Variants in CAB39 observed in about 807,000 individuals in gnomAD.
CAB39 encodes calcium-binding protein 39.
Under a neutral mutation model 40.0 loss-of-function variants are expected in CAB39, and 8 were observed. The observed-to-expected ratio is 0.20, with a 90% CI of 0.12 to 0.36. The LOEUF is 0.36. Among genes scored for constraint, CAB39 ranks in the 10% least tolerant of loss-of-function variants. The pLI, the probability that CAB39 is intolerant of heterozygous loss-of-function variation, is 1.00. For missense variants in CAB39, 270 were observed against 401.1 expected (o/e 0.67, Z 2.79); for synonymous variants, 156 against 141.6 (o/e 1.10, Z -0.72).
rs147639341 is a variant in CAB39, at chr2:230,731,592, G to A, written c.-44+18362G>A. ...ATCATAGCTCACTGTAGCCTCAAAC[G>A]TCAGGGCTCAAGTAATCGTCCCTCC... On this transcript the variant is annotated intron_variant, in intron 1 of 8. Transcript: ENST00000258418. 3.8e-4 allele frequency among the ~76,000 whole-genome samples: 58 copies of A among 152,248 alleles called. No individual in the cohort carries two copies. In the South Asian group the frequency reaches 3.9e-3, roughly 10 times the overall value.
chr2:230,725,385 G>A, intron 1 of CAB39: 1 of 1,600,140 alleles, frequency 6.2e-7, no homozygotes, highest in East Asian at 2.2e-5. Context: ...AAGTCTCGGT[G>A]CTTTTGGGAG....
chr2:230,782,753 C>A (rs574114781), intron 2 of CAB39, among the ~76,000 whole-genome samples: 2 of 151,580 alleles, frequency 1.3e-5, no homozygotes, highest in South Asian at 4.2e-4. Flanking sequence ...ATTTCCAACA[C>A]CGCAAGTATT....
At chr2:230,786,098 A>G (rs1695786843) in intron 2 of CAB39, among the ~76,000 whole-genome samples, 1 of 146,168 alleles carries the variant, frequency 6.8e-6, no homozygotes, top group Non-Finnish European at 1.5e-5. Flanking sequence ...CGGGAGGTGG[A>G]ACTTGCAGTG....
At chr2:230,808,689 T>A (rs535841267) in intron 5 of CAB39, among the ~76,000 whole-genome samples, 1 of 152,296 alleles carries the variant, frequency 6.6e-6, no homozygotes, top group African/African-American at 2.4e-5. Context: ...TTGGGAAAAA[T>A]TGGGTAGGTC....
chr2:230,798,047 A>G (rs1283274609), intron 4 of CAB39, among the ~76,000 whole-genome samples: 1 of 152,046 alleles, frequency 6.6e-6, no homozygotes, highest in Non-Finnish European at 1.5e-5. Context: ...CTTGGCTGAG[A>G]GGTGTCTCTC....
At position 230,814,087 on chromosome 2, in the gene CAB39, T is replaced by C. The variant is rs1575965780; in HGVS notation, c.666T>C (p.Asn222=). 1.4e-6 allele frequency: 2 copies of C among 1,460,542 alleles called. No individual in the cohort carries two copies. Among genetic ancestry groups the C allele is most frequent in the Middle Eastern group, 1.8e-4 (1 of 5,614 alleles). The allele number at this position is 1,460,542 out of a possible 1,614,324, so 90.5% of individuals were successfully genotyped here. The part of the protein sequence containing the change: ...SEYEKLLHSE[N]YVTKRQSLKL... ...ATGAGAAGTTACTTCATTCAGAAAATTATGTGACAAAAAGACAGTCACTGA... is the reference window on the plus strand; with the variant it reads ...ATGAGAAGTTACTTCATTCAGAAAACTATGTGACAAAAAGACAGTCACTGA... Residue 222 remains asparagine, a synonymous_variant, in exon 7 of 9, where the codon AAT becomes AAC. Coordinates refer to ENST00000258418, the MANE Select transcript of CAB39 (RefSeq NM_016289.4).
At chr2:230,794,705 T>C (rs1695950336) in intron 4 of CAB39, among the ~76,000 whole-genome samples, 1 of 152,156 alleles carries the variant, frequency 6.6e-6, no homozygotes, top group African/African-American at 2.4e-5. Context: ...CCTCCTTTGT[T>C]GTGAAAAATA....
At chr2:230,735,126 G>T (rs910357950) in intron 1 of CAB39, among the ~76,000 whole-genome samples, 1 of 152,072 alleles carries the variant, frequency 6.6e-6, no homozygotes, top group Admixed American at 6.5e-5. Flanking sequence ...GGAGTAGAAT[G>T]TGGAATCGCA....
At chr2:230,783,074 C>T (rs1175652961) in intron 2 of CAB39, among the ~76,000 whole-genome samples, 28 of 151,970 alleles carry the variant, frequency 1.8e-4, no homozygotes, top group Non-Finnish European at 3.5e-4. Flanking sequence ...GTGATTCGCC[C>T]GCCTCGGCCT....
At chr2:230,730,886 A>T (rs567296415) in intron 1 of CAB39, among the ~76,000 whole-genome samples, 3 of 152,276 alleles carry the variant, frequency 2.0e-5, no homozygotes, top group African/African-American at 7.2e-5. Flanking sequence ...ACCTCAGTAT[A>T]GTAAAAGCTT....
At chr2:230,790,270 C>T (rs1266159106) in intron 2 of CAB39, among the ~76,000 whole-genome samples, 1 of 151,972 alleles carries the variant, frequency 6.6e-6, no homozygotes. Context: ...TTTTATGTAT[C>T]TTATCCTACT....
chr2:230,796,427 T>A (rs951096874), intron 4 of CAB39, among the ~76,000 whole-genome samples: 3 of 152,196 alleles, frequency 2.0e-5, no homozygotes, highest in African/African-American at 7.2e-5. Flanking sequence ...ACTGTTTGCC[T>A]TGTATTTACT....
At chr2:230,771,891 C>T (rs1032728549) in intron 2 of CAB39, among the ~76,000 whole-genome samples, 5 of 152,058 alleles carry the variant, frequency 3.3e-5, no homozygotes, top group African/African-American at 9.7e-5. Flanking sequence ...ATTTAGTAGG[C>T]AGAAAGATAG....
At chr2:230,780,539 C>T (rs1160946657) in intron 2 of CAB39, among the ~76,000 whole-genome samples, 1 of 152,148 alleles carries the variant, frequency 6.6e-6, no homozygotes, top group East Asian at 1.9e-4. Flanking sequence ...TTTTATGACC[C>T]TTGGTACTTC....
At chr2:230,721,384 T>C (rs1451434992) in intron 1 of CAB39, among the ~76,000 whole-genome samples, 1 of 152,180 alleles carries the variant, frequency 6.6e-6, no homozygotes, top group Non-Finnish European at 1.5e-5. Context: ...TGAGCCAAGA[T>C]AGTGCCACTG....
At chr2:230,715,751 G>A (rs903904263) in intron 1 of CAB39, among the ~76,000 whole-genome samples, 6 of 152,186 alleles carry the variant, frequency 3.9e-5, no homozygotes, top group East Asian at 1.9e-4. Context: ...CGCTCAGGCC[G>A]GAGTGCAGTG....
chr2:230,746,396 C>T (rs1006199611), intron 1 of CAB39, among the ~76,000 whole-genome samples: 13 of 152,186 alleles, frequency 8.5e-5, no homozygotes, highest in South Asian at 4.1e-4. Flanking sequence ...CAGTTTAACA[C>T]TGATAAAAAC....
intron 7 of CAB39, among the ~76,000 whole-genome samples, chr2:230,815,361 TC>T (rs1169397081): frequency 3.3e-5 from 5 of 152,174 alleles, no homozygotes; most frequent in Admixed American, 6.5e-5. Flanking sequence ...GGACAGAACT[TC>T]CTGGCAGCTG....
chr2:230,813,496 C>T (rs369332838), intron 6 of CAB39, among the ~76,000 whole-genome samples: 3 of 152,158 alleles, frequency 2.0e-5, no homozygotes, highest in Non-Finnish European at 1.5e-5. Context: ...GCCCCACCTT[C>T]GTTGTCGGCC....
Sources: gnomAD v4.1 joint callset for allele counts (sites outside exome capture counted in the v4.1 genomes callset) on GRCh38, gnomAD v4.1.1 for gene constraint, MANE v1.5 for transcripts, NCBI Gene and HGNC (gene_info 2026-07-23, HGNC 2026-07-21) for gene names.